ERC1: variants seen among roughly 807,000 people sequenced by gnomAD.
The protein encoded by ERC1 is ELKS/RAB6-interacting/CAST family member 1.
A neutral mutation model predicts 132.0 loss-of-function variants in ERC1; 56 were observed. That is an observed-to-expected ratio of 0.42 (90% CI 0.34 to 0.53). The LOEUF (loss-of-function observed/expected upper bound fraction) is 0.53, where lower values mean the gene tolerates loss of function less well. Ranked by LOEUF, ERC1 falls within the 20% of genes least tolerant of loss-of-function variation. The pLI is 0.03. For synonymous variants in ERC1, 478 were observed against 476.1 expected (o/e 1.00, Z -0.05); for missense variants, 1,202 against 1,349.9 (o/e 0.89, Z 1.72).
chr12:1,262,035 T>C (rs1225320138), intron 13 of ERC1, among the ~76,000 whole-genome samples: 1 of 152,200 alleles, frequency 6.6e-6, no homozygotes, highest in Non-Finnish European at 1.5e-5. Context: ...AAGTGGGCTG[T>C]GGTATAATTG....
At chr12:1,174,669 G>T (rs1019589093) in intron 8 of ERC1, among the ~76,000 whole-genome samples, 1 of 152,178 alleles carries the variant, frequency 6.6e-6, no homozygotes, top group South Asian at 2.1e-4. Context: ...GCATGTAAGG[G>T]GTGTTTGTAT....
chr12:1,009,320 G>T (rs981536389), intron 1 of ERC1, among the ~76,000 whole-genome samples: 24 of 152,116 alleles, frequency 1.6e-4, no homozygotes, highest in African/African-American at 5.8e-4. Context: ...GACTACAGGT[G>T]CCCGCCACCA....
chr12:1,219,903 C>G (rs1235923059), intron 12 of ERC1, among the ~76,000 whole-genome samples: 1 of 152,120 alleles, frequency 6.6e-6, no homozygotes, highest in African/African-American at 2.4e-5. Context: ...ACATTGTCAC[C>G]CCTTGGGTTA....
intron 18 of ERC1, among the ~76,000 whole-genome samples, chr12:1,470,010 A>G (rs1036940581): frequency 3.9e-5 from 6 of 151,972 alleles, no homozygotes; most frequent in Admixed American, 6.6e-5. Flanking sequence ...AACCCCTTCC[A>G]TGGCCCTTGT....
chr12:1,369,964 G>A (rs533511416), intron 15 of ERC1, among the ~76,000 whole-genome samples: 3 of 152,178 alleles, frequency 2.0e-5, no homozygotes, highest in Admixed American at 6.5e-5. Context: ...AGAATATTCA[G>A]TAGACAGATA....
chr12:1,207,477 G>A (rs1957449945), intron 12 of ERC1, among the ~76,000 whole-genome samples: 1 of 152,064 alleles, frequency 6.6e-6, no homozygotes, highest in Non-Finnish European at 1.5e-5. Flanking sequence ...CAACTCTATT[G>A]TTCAAGAGCG....
chr12:1,378,160 G>A (rs890260328), intron 16 of ERC1, among the ~76,000 whole-genome samples: 1 of 152,252 alleles, frequency 6.6e-6, no homozygotes, highest in East Asian at 1.9e-4. Flanking sequence ...GGAAGAACTG[G>A]CTTAACATTG....
chr12:1,292,777 G>A (rs750977084), intron 15 of ERC1, among the ~76,000 whole-genome samples: 3 of 152,196 alleles, frequency 2.0e-5, no homozygotes, highest in Non-Finnish European at 4.4e-5. Flanking sequence ...TTGGGAGGCC[G>A]AGGCGGGTGG....
chr12:1,456,677 T>C (rs1195090672), intron 18 of ERC1, among the ~76,000 whole-genome samples: 1 of 151,990 alleles, frequency 6.6e-6, no homozygotes, highest in African/African-American at 2.4e-5. Flanking sequence ...ATTGTTGTAA[T>C]GTGAGGCCAA....
At position 1,069,624 on chromosome 12, in the gene ERC1, G is replaced by A. The variant is rs1372606028; in HGVS notation, c.670-13540G>A. 2.6e-5 allele frequency among the ~76,000 whole-genome samples: 4 copies of A among 152,072 alleles called. No homozygotes were observed. In the South Asian group the frequency reaches 6.2e-4, roughly 24 times the overall value. ...CAATCCTTATCTCCAGAATACTTAG[G>A]GCAGATGTATTTTGGAATTTAGAAA... On this transcript the variant is annotated intron_variant, in intron 2 of 18. Coordinates refer to ENST00000360905, the MANE Select transcript of ERC1 (RefSeq NM_178040.4).
chr12:1,214,661 T>TACAC (rs775294140), intron 12 of ERC1, among the ~76,000 whole-genome samples: 14 of 118,064 alleles, frequency 1.2e-4, no homozygotes, highest in African/African-American at 7.2e-4. Flanking sequence ...CGTGTGTGTA[T>TACAC]ACATACACAC....
At chr12:1,119,987 AATTT>A (rs1392584375) in intron 7 of ERC1, among the ~76,000 whole-genome samples, 8 of 151,602 alleles carry the variant, frequency 5.3e-5, no homozygotes, top group Admixed American at 1.3e-4. Context: ...TTTTTTTATT[AATTT>A]ATTATTTTTT....
chr12:1,416,181 A>G (rs1466351688), intron 17 of ERC1, among the ~76,000 whole-genome samples: 7 of 152,216 alleles, frequency 4.6e-5, no homozygotes, highest in African/African-American at 1.7e-4. Context: ...CTGGTAAGGA[A>G]TATCTGTAGG....
At chr12:1,069,466 TG>T (rs1939916520) in intron 2 of ERC1, among the ~76,000 whole-genome samples, 1 of 152,172 alleles carries the variant, frequency 6.6e-6, no homozygotes, top group African/African-American at 2.4e-5. Flanking sequence ...TTTATTATAA[TG>T]GTGATCTAGA....
chr12:1,156,490 G>A (rs1951414723), intron 8 of ERC1, among the ~76,000 whole-genome samples: 1 of 152,036 alleles, frequency 6.6e-6, no homozygotes, highest in Non-Finnish European at 1.5e-5. Flanking sequence ...GTTCACCTCA[G>A]CCTCCCAAAG....
At chr12:1,175,438 C>G (rs773156616) in intron 8 of ERC1, among the ~76,000 whole-genome samples, 3 of 148,854 alleles carry the variant, frequency 2.0e-5, no homozygotes, top group Non-Finnish European at 4.4e-5. Flanking sequence ...ATGTTCACAT[C>G]ATCTTCACCA....
chr12:1,021,698 C>CAA (rs1162694084), intron 1 of ERC1, among the ~76,000 whole-genome samples: 6 of 92,188 alleles, frequency 6.5e-5, no homozygotes, highest in East Asian at 2.9e-4. Flanking sequence ...GACTCCGTCT[C>CAA]AAAAAAAAAA....
chr12:1,024,829 GA>G (rs1027419369), intron 1 of ERC1, among the ~76,000 whole-genome samples: 1 of 70,634 alleles, frequency 1.4e-5, no homozygotes, highest in Admixed American at 1.5e-4. Flanking sequence ...AAGTCACCTT[GA>G]AAAAAAAAGT....
chr12:1,233,081 T>A (rs1230050925), intron 12 of ERC1, among the ~76,000 whole-genome samples: 1 of 152,074 alleles, frequency 6.6e-6, no homozygotes, highest in African/African-American at 2.4e-5. Flanking sequence ...CATGGAGCCA[T>A]TAGGTGAAAG....
Sources: gnomAD v4.1 joint callset for allele counts (sites outside exome capture counted in the v4.1 genomes callset) on GRCh38, gnomAD v4.1.1 for gene constraint, MANE v1.5 for transcripts, NCBI Gene and HGNC (gene_info 2026-07-23, HGNC 2026-07-21) for gene names.